Variants in INSYN2B observed in about 807,000 individuals in gnomAD.
INSYN2B encodes the protein inhibitory synaptic factor family member 2B, also known as protein INSYN2B.
A neutral mutation model predicts 41.2 loss-of-function variants in INSYN2B; 16 were observed. That is an observed-to-expected ratio of 0.39 (90% CI 0.26 to 0.59). The LOEUF (loss-of-function observed/expected upper bound fraction) is 0.59, where lower values mean the gene tolerates loss of function less well. INSYN2B is among the 20% of genes least tolerant of loss of function. The pLI is 0.57. For missense variants in INSYN2B, 608 were observed against 646.4 expected, an observed-to-expected ratio of 0.94 and a Z score of 0.64; for synonymous variants, 245 against 244.4, an observed-to-expected ratio of 1.00 and a Z score of -0.02.
intron 1 of INSYN2B, among the ~76,000 whole-genome samples, chr5:169,922,031 C>A (rs73325994): frequency 0.019 from 2,845 of 152,288 alleles, 86 homozygotes; most frequent in African/African-American, 0.065. Context: ...ATTTTAAGAG[C>A]TTTTCCATGA....
chr5:169,955,830 C>T (rs191320528), intron 1 of INSYN2B, among the ~76,000 whole-genome samples: 3 of 152,288 alleles, frequency 2.0e-5, no homozygotes, highest in African/African-American at 7.2e-5. Flanking sequence ...GAGGCTCCAT[C>T]GATTCAGTTC....
At chr5:169,926,875 G>T (rs888562990) in intron 1 of INSYN2B, among the ~76,000 whole-genome samples, 2 of 152,126 alleles carry the variant, frequency 1.3e-5, no homozygotes, top group South Asian at 2.1e-4. Flanking sequence ...CTAAAAAAAA[G>T]ACCAGTACAT....
Position 169,874,800 on chromosome 5 carries a change from G to A in INSYN2B, c.1421+6568C>T, listed in dbSNP as rs114979749. On this transcript the variant is annotated intron_variant, in intron 3 of 3. Transcript: ENST00000377365. ...ACTGAGAGAGGTGGGAGGAAGGAAC[G>A]GTTACAGCTGAATCTCCCAAGTATT... is the stretch of plus-strand genomic sequence containing the variant. 5.6e-3 allele frequency among the ~76,000 whole-genome samples: 845 copies of A among 152,190 alleles called. 10 individuals are homozygous for A. Among genetic ancestry groups the A allele is most frequent in the African/African-American group, 0.019 (783 of 41,510 alleles).
intron 1 of INSYN2B, among the ~76,000 whole-genome samples, chr5:169,906,660 C>G (rs1380486240): frequency 1.3e-5 from 2 of 152,120 alleles, no homozygotes; most frequent in East Asian, 3.9e-4. Flanking sequence ...TGACAAATTA[C>G]CTTGATGAAA....
At chr5:169,915,438 A>G (rs563737636) in intron 1 of INSYN2B, among the ~76,000 whole-genome samples, 1 of 152,166 alleles carries the variant, frequency 6.6e-6, no homozygotes, top group Non-Finnish European at 1.5e-5. Flanking sequence ...AACCAAAGAG[A>G]TTAAGTCATT....
chr5:169,934,863 C>T (rs895383714), intron 1 of INSYN2B: 8 of 372,028 alleles, frequency 2.2e-5, no homozygotes, highest in South Asian at 1.4e-4. Flanking sequence ...TTATACATTG[C>T]CAAAACAACT....
chr5:169,870,704 T>G (rs776289877), intron 3 of INSYN2B, among the ~76,000 whole-genome samples: 1 of 152,152 alleles, frequency 6.6e-6, no homozygotes, highest in Non-Finnish European at 1.5e-5. Flanking sequence ...CTGCACCCAT[T>G]AACTCATCAT....
chr5:169,933,058 G>T (rs1398522113), intron 1 of INSYN2B, among the ~76,000 whole-genome samples: 1 of 152,162 alleles, frequency 6.6e-6, no homozygotes, highest in South Asian at 2.1e-4. Flanking sequence ...TTATATCATT[G>T]CCTTTCCACC....
At chr5:169,927,640 G>A (rs889810740) in intron 1 of INSYN2B, among the ~76,000 whole-genome samples, 1 of 152,168 alleles carries the variant, frequency 6.6e-6, no homozygotes, top group Non-Finnish European at 1.5e-5. Flanking sequence ...TTTTTGAGAC[G>A]GAGTCTCGCT....
At chr5:169,865,770 G>A (rs1771508610) in intron 3 of INSYN2B, among the ~76,000 whole-genome samples, 1 of 152,216 alleles carries the variant, frequency 6.6e-6, no homozygotes. Flanking sequence ...TGTTGCATCT[G>A]GGAGACCAAA....
chr5:169,864,352 G>C lies in INSYN2B; in HGVS notation c.1529C>G (p.Ala510Gly). ...EEASPPPKSP[A>G]EPPAPEKQDL... is the part of the protein sequence containing the mutation. ...CTGCTTTTCCGGGGCTGGGGGTTCTGCTGGGGACTTTGGTGGGGGCGATGC... is the reference window on the plus strand; with the variant it reads ...CTGCTTTTCCGGGGCTGGGGGTTCTCCTGGGGACTTTGGTGGGGGCGATGC... The change falls in exon 4 of 4, where the codon GCA (alanine) becomes GGA (glycine). Residue 510 changes from alanine (A) to glycine (G), a missense_variant. By Grantham distance (60) the Ala-to-Gly change is moderately conservative. Coordinates refer to ENST00000377365, the MANE Select transcript of INSYN2B (RefSeq NM_001129891.3). 6.4e-7 allele frequency: 1 copy of C among 1,551,570 alleles called. No individual in the cohort carries two copies. The highest frequency in any genetic ancestry group is 1.2e-5 in the South Asian group (1 of 84,048).
intron 1 of INSYN2B, among the ~76,000 whole-genome samples, chr5:169,975,791 T>C (rs1160389586): frequency 6.6e-6 from 1 of 152,252 alleles, no homozygotes; most frequent in African/African-American, 2.4e-5. Context: ...CCTCTGTTCC[T>C]GGCTCTTCCC....
At chr5:169,873,087 G>T (rs190031808) in intron 3 of INSYN2B, among the ~76,000 whole-genome samples, 2 of 152,304 alleles carry the variant, frequency 1.3e-5, no homozygotes, top group East Asian at 3.9e-4. Flanking sequence ...TTCAACTCGT[G>T]TAATTTTATA....
intron 1 of INSYN2B, among the ~76,000 whole-genome samples, chr5:169,904,391 C>G (rs1278359136): frequency 6.6e-6 from 1 of 152,156 alleles, no homozygotes; most frequent in East Asian, 1.9e-4. Flanking sequence ...CTCTCTAAAT[C>G]ACCTACCTGT....
At chr5:169,976,213 C>A (rs977434700) in intron 1 of INSYN2B, among the ~76,000 whole-genome samples, 12 of 152,220 alleles carry the variant, frequency 7.9e-5, no homozygotes, top group African/African-American at 2.9e-4. Context: ...GGACACAAAT[C>A]TCTGCCCATG....
chr5:169,921,148 G>A (rs934460475), intron 1 of INSYN2B, among the ~76,000 whole-genome samples: 2 of 152,202 alleles, frequency 1.3e-5, no homozygotes, highest in African/African-American at 2.4e-5. Flanking sequence ...TGAATGCAAT[G>A]TTAGCCTGGA....
At chr5:169,897,592 A>G (rs909741871) in intron 1 of INSYN2B, among the ~76,000 whole-genome samples, 2 of 152,182 alleles carry the variant, frequency 1.3e-5, no homozygotes, top group Admixed American at 1.3e-4. Flanking sequence ...TTGCCCTGTA[A>G]TATTTCCAGA....
intron 1 of INSYN2B, among the ~76,000 whole-genome samples, chr5:169,896,807 G>T (rs564198708): frequency 1.3e-5 from 2 of 152,184 alleles, no homozygotes; most frequent in Non-Finnish European, 2.9e-5. Context: ...GATTGATAAT[G>T]TAGAAGAGGA....
At chr5:169,891,394 C>T (rs1338087631) in intron 1 of INSYN2B, among the ~76,000 whole-genome samples, 2 of 152,174 alleles carry the variant, frequency 1.3e-5, no homozygotes, top group Non-Finnish European at 2.9e-5. Flanking sequence ...TTAGAGGCTT[C>T]AAGGAATCAT....
Sources: gnomAD v4.1 joint callset for allele counts (sites outside exome capture counted in the v4.1 genomes callset) on GRCh38, gnomAD v4.1.1 for gene constraint, MANE v1.5 for transcripts, NCBI Gene and HGNC (gene_info 2026-07-23, HGNC 2026-07-21) for gene names.